DENND3: variants seen among roughly 807,000 people sequenced by gnomAD.
DENND3 encodes the protein DENN domain containing 3, also known as DENN domain-containing protein 3.
DENND3 carries 88 observed loss-of-function variants against 135.1 expected under a neutral mutation model. That is an observed-to-expected ratio of 0.65 (90% confidence interval 0.55 to 0.78). DENND3 has a LOEUF of 0.78. Among genes scored for constraint, DENND3 ranks in the 30% least tolerant of loss-of-function variants. DENND3 has a pLI of 0.00. For missense variants in DENND3, 1,392 were observed against 1,688.4 expected, an observed-to-expected ratio of 0.82 and a Z score of 3.08; for synonymous variants, 693 against 712.3, an observed-to-expected ratio of 0.97 and a Z score of 0.43.
intron 16 of DENND3, among the ~76,000 whole-genome samples, chr8:141,180,034 G>A (rs1822888694): frequency 6.6e-6 from 1 of 152,196 alleles, no homozygotes; most frequent in East Asian, 1.9e-4. Flanking sequence ...CTCCAGGCAG[G>A]AGGCCGCTTT....
In DENND3 at chr8:141,175,366, C is replaced by G. The variant is rs372268407; in HGVS notation, c.2442C>G (p.Gly814=). 2 of 1,614,194 alleles carry G rather than the reference C, an allele frequency of 1.2e-6. No homozygotes were observed. The highest frequency in any genetic ancestry group is 2.7e-5 in the African/African-American group (2 of 75,034). The change falls in exon 14 of 23, where the codon GGC becomes GGG. Residue 814 remains glycine (G), a synonymous_variant. Coordinates refer to ENST00000519811, the MANE Select transcript of DENND3 (RefSeq NM_001352890.3). This position sits in a 1 kb window ranked among gnomAD's most constrained non-coding sequence, Gnocchi z 5.4. ...CCAGCTCCGTCAAGACAAACCTAGGCGTTGGCAAGATCGCCATGACCCAGA... is the reference window on the plus strand; with the variant it reads ...CCAGCTCCGTCAAGACAAACCTAGGGGTTGGCAAGATCGCCATGACCCAGA... The part of the protein sequence containing the change: ...KLSSSVKTNL[G]VGKIAMTQKR...
Position 141,182,293 on chromosome 8 carries a change from T to C in DENND3, c.2944+1439T>C. The C allele has an allele frequency of 1.0e-6, 1 of 984,766 alleles. No homozygotes were observed. Among genetic ancestry groups the C allele is most frequent in the Non-Finnish European group, 1.2e-6 (1 of 829,422 alleles). The allele number at this position is 984,766 out of a possible 1,614,324, so 61.0% of individuals were successfully genotyped here. ...AGCTGTGTGTGAAGCGATTTCCCCA[T>C]AAGAGAGTTTTTCTCTCTTCATGGC... On this transcript the variant is annotated intron_variant, in intron 17 of 22. Coordinates refer to ENST00000519811, the MANE Select transcript of DENND3 (RefSeq NM_001352890.3). The surrounding 1 kb of genome is among the most constrained non-coding windows in gnomAD (Gnocchi z 5.9).
Position 141,192,566 on chromosome 8 carries a change from T to C in DENND3, c.3539T>C (p.Val1180Ala). 1.9e-6 allele frequency: 3 copies of C among 1,580,618 alleles called. No homozygotes were observed. The highest frequency in any genetic ancestry group is 1.7e-6 in the Non-Finnish European group (2 of 1,160,890). ...GCGGCCTGTGCAGGACGCAGCGAGG[T>C]TTACATCTGGAGCCTGAAGGACCTG... ...LWAACAGRSEVYIWSLKDLAQ... is the reference protein window; with the variant it reads ...LWAACAGRSEAYIWSLKDLAQ... The change falls in exon 22 of 23, where the codon GTT (valine) becomes GCT (alanine). Residue 1180 changes from valine (V) to alanine (A), a missense_variant. By Grantham distance (64) the Val-to-Ala change is moderately conservative. Transcript: ENST00000519811.
chr8:141,157,233 G>T (rs1250423794), intron 8 of DENND3, among the ~76,000 whole-genome samples: 1 of 152,188 alleles, frequency 6.6e-6, no homozygotes, highest in Non-Finnish European at 1.5e-5. Context: ...CTCTGTCGAG[G>T]TGCAAAGGCT....
rs1287141783 is a variant in DENND3 at position 141,137,522 on chromosome 8, T to C, written c.386-500T>C. Among the ~76,000 whole-genome samples, 3 of 152,160 alleles carry C rather than the reference T, an allele frequency of 2.0e-5. No homozygotes were observed. The highest frequency in any genetic ancestry group is 4.8e-5 in the African/African-American group (2 of 41,440). On this transcript the variant is annotated intron_variant, in intron 2 of 22. Transcript: ENST00000519811. The surrounding 1 kb of genome is among the most constrained non-coding windows in gnomAD (Gnocchi z 4.1). Reference sequence around the variant, plus strand: ...CCCCAGTGTGCCTGAGCCTCTCCCTTCCACCTCCCGTTTTCCGTTTCACTG... The same window carrying C: ...CCCCAGTGTGCCTGAGCCTCTCCCTCCCACCTCCCGTTTTCCGTTTCACTG...
Position 141,189,141 on chromosome 8 carries a change from A to G in DENND3, c.3240A>G (p.Ala1080=). Reference sequence around the variant, plus strand: ...TGATTGTGCAGGACGGACAGGAGGCACCCAGGTGCAGTAAGCTCTGCTGGG... The same window carrying G: ...TGATTGTGCAGGACGGACAGGAGGCGCCCAGGTGCAGTAAGCTCTGCTGGG... The part of the protein sequence containing the change: ...TDLIVQDGQE[A]PSNVYSCSMD... The change falls in exon 19 of 23, where the codon GCA becomes GCG. Residue 1080 remains alanine (A), a synonymous_variant. Coordinates refer to ENST00000519811, the MANE Select transcript of DENND3 (RefSeq NM_001352890.3). 1 of 1,614,168 alleles carries G rather than the reference A, an allele frequency of 6.2e-7. No homozygotes were observed. The highest frequency in any genetic ancestry group is 8.5e-7 in the Non-Finnish European group (1 of 1,180,018).
chr8:141,153,731 CGAG>C (rs1446690650), intron 7 of DENND3, among the ~76,000 whole-genome samples: 1 of 152,200 alleles, frequency 6.6e-6, no homozygotes, highest in East Asian at 1.9e-4. Context: ...GCCTCGCAGA[CGAG>C]GAGAAAATAA....
intron 3 of DENND3, among the ~76,000 whole-genome samples, chr8:141,140,359 C>T (rs535780950): frequency 2.0e-5 from 3 of 152,156 alleles, no homozygotes; most frequent in Non-Finnish European, 2.9e-5. Flanking sequence ...AGCAGCCACG[C>T]GCGCGTGTGA....
chr8:141,142,862 C>A, intron 4 of DENND3: 1 of 158,352 alleles, frequency 6.3e-6, no homozygotes, highest in South Asian at 1.7e-4. Context: ...AGACACATGC[C>A]CTTGGAAGAC....
intron 17 of DENND3, among the ~76,000 whole-genome samples, chr8:141,181,361 C>T (rs536146833): frequency 1.3e-5 from 2 of 152,222 alleles, no homozygotes; most frequent in Non-Finnish European, 2.9e-5. Flanking sequence ...TTGCTCACAT[C>T]GTTTCCGCAG....
chr8:141,132,258 G>A (rs1243905287), intron 1 of DENND3, among the ~76,000 whole-genome samples: 5 of 152,150 alleles, frequency 3.3e-5, no homozygotes, highest in Admixed American at 3.3e-4. Flanking sequence ...TGCACAAAAA[G>A]GCATAAAATG....
intron 1 of DENND3, among the ~76,000 whole-genome samples, chr8:141,133,543 TCTC>T (rs1442819093): frequency 6.6e-6 from 1 of 152,060 alleles, no homozygotes; most frequent in African/African-American, 2.4e-5. Context: ...TCTTCCTCCT[TCTC>T]CTGACAGAAA....
intron 5 of DENND3, among the ~76,000 whole-genome samples, chr8:141,149,391 C>T (rs539384263): frequency 3.7e-4 from 57 of 152,320 alleles, no homozygotes; most frequent in African/African-American, 1.3e-3. Flanking sequence ...GAGTTAAGTT[C>T]CTATGGCATA....
Position 141,168,453 on chromosome 8 carries a change from A to G in DENND3, c.2203A>G (p.Lys735Glu). The part of the protein sequence containing the change: ...KKHMQLGDFM[K>E]RVQESGIVKD... Reference sequence around the variant, plus strand: ...GCACATGCAGCTGGGCGACTTCATGAAGCGGGTCCAGGAGTCAGGGATCGT... The same window carrying G: ...GCACATGCAGCTGGGCGACTTCATGGAGCGGGTCCAGGAGTCAGGGATCGT... Residue 735 changes from lysine (K) to glutamate (E), a missense_variant, in exon 13 of 23, where the codon AAG becomes GAG. Transcript: ENST00000519811. The surrounding 1 kb of genome is among the most constrained non-coding windows in gnomAD (Gnocchi z 6.2). 2 of 1,613,784 alleles carry G rather than the reference A, an allele frequency of 1.2e-6. No individual in the cohort carries two copies. The highest frequency in any genetic ancestry group is 1.7e-6 in the Non-Finnish European group (2 of 1,180,026).
At chr8:141,142,378 G>T (rs1817574770) in intron 4 of DENND3, 1 of 456,826 alleles carries the variant, frequency 2.2e-6, no homozygotes. Context: ...TCGCTGAATT[G>T]GTGCTGTTCT....
Position 141,154,383 on chromosome 8 carries a change from G to A in DENND3, c.1075-1466G>A, listed in dbSNP as rs979109580. 6.6e-6 allele frequency among the ~76,000 whole-genome samples: 1 copy of A among 152,158 alleles called. No homozygotes were observed. Among genetic ancestry groups the A allele is most frequent in the Non-Finnish European group, 1.5e-5 (1 of 68,026 alleles). ...AGCCCAGGCCCCTGCCCATGCTCTG[G>A]TGCTTGGAGGGGCGGAGCTGGCTGG... On this transcript the variant is annotated intron_variant, in intron 7 of 22. Transcript: ENST00000519811. The surrounding 1 kb of genome is among the most constrained non-coding windows in gnomAD (Gnocchi z 4.4).
intron 8 of DENND3, among the ~76,000 whole-genome samples, chr8:141,159,032 A>AC (rs1426010452): frequency 6.6e-6 from 1 of 152,222 alleles, no homozygotes; most frequent in African/African-American, 2.4e-5. Context: ...ATGAAAGGCC[A>AC]GTTTGGTGCT....
chr8:141,193,028 G>A (rs1005087633), intron 22 of DENND3: 25 of 611,998 alleles, frequency 4.1e-5, no homozygotes, highest in South Asian at 8.7e-5. Context: ...TCCCCCACCC[G>A]CTCATGTGGC....
chr8:141,139,279 G>A lies in DENND3; in HGVS notation c.501+1142G>A, dbSNP rs563494781. On this transcript the variant is annotated intron_variant, in intron 3 of 22. Transcript: ENST00000519811. This position sits in a 1 kb window ranked among gnomAD's most constrained non-coding sequence, Gnocchi z 4.2. ...CATGTGACATTGAGTGTTGGGAGGC[G>A]TGAGGTATAATCACATGGATTCTGT... Among the ~76,000 whole-genome samples the A allele has an allele frequency of 6.1e-4, 93 of 152,286 alleles. No individual in the cohort carries two copies. Among genetic ancestry groups the A allele is most frequent in the African/African-American group, 1.3e-3 (52 of 41,562 alleles).
Sources: allele counts gnomAD v4.1 joint callset (sites outside exome capture counted in the v4.1 genomes callset), GRCh38; gene constraint gnomAD v4.1.1; non-coding constraint Gnocchi (gnomAD v3.1); transcripts MANE v1.5; gene names NCBI Gene and HGNC (gene_info 2026-07-23, HGNC 2026-07-21).